Variants in LLGL2 observed in about 807,000 individuals in gnomAD.
LLGL2 encodes the protein LLGL2, scribble cell polarity complex component.
LLGL2 carries 81 observed loss-of-function variants against 123.2 expected under a neutral mutation model. The observed-to-expected ratio is 0.66, with a 90% CI of 0.55 to 0.79. The LOEUF (loss-of-function observed/expected upper bound fraction) is 0.79. Ranked by LOEUF, LLGL2 falls within the 30% of genes least tolerant of loss-of-function variation. The probability of loss-of-function intolerance (pLI) is 0.00; values close to 1 mark genes in which losing one functional copy is unlikely to be tolerated. For synonymous variants in LLGL2, 577 were observed against 594.1 expected (o/e 0.97, Z 0.42); for missense variants, 1,273 against 1,414.6 (o/e 0.90, Z 1.61).
chr17:75,538,812 C>G (rs1165627199), intron 1 of LLGL2, among the ~76,000 whole-genome samples: 6 of 152,194 alleles, frequency 3.9e-5, no homozygotes, highest in Non-Finnish European at 8.8e-5. Context: ...AGGGAACGCA[C>G]AGGCTCTGAC....
At chr17:75,572,369 A>C (rs1377406432) in intron 19 of LLGL2, among the ~76,000 whole-genome samples, 1 of 151,332 alleles carries the variant, frequency 6.6e-6, no homozygotes, top group Non-Finnish European at 1.5e-5. Flanking sequence ...ACAAAAAAAA[A>C]TAGCCCGGCA....
Position 75,550,284 on chromosome 17 carries a change from A to G in LLGL2, c.76-5762A>G, listed in dbSNP as rs905061421. Among the ~76,000 whole-genome samples the G allele has an allele frequency of 7.2e-5, 11 of 152,132 alleles. No homozygotes were observed. In the East Asian group the frequency reaches 7.7e-4, roughly 11 times the overall value. ...GAAGGCAGCCCTGGGGCTGAGCCCAACCTCCTGTGCTCAGGTGGGTACTTC... is the reference window on the plus strand; with the variant it reads ...GAAGGCAGCCCTGGGGCTGAGCCCAGCCTCCTGTGCTCAGGTGGGTACTTC... On this transcript the variant is annotated intron_variant, in intron 2 of 25. Transcript: ENST00000392550.
chr17:75,572,459 C>T (rs909070390), intron 19 of LLGL2, among the ~76,000 whole-genome samples: 7 of 152,044 alleles, frequency 4.6e-5, no homozygotes, highest in Non-Finnish European at 7.4e-5. Context: ...GTCAGGAGAT[C>T]GAGACCATCC....
intron 10 of LLGL2, among the ~76,000 whole-genome samples, chr17:75,565,571 T>C (rs1486919558): frequency 6.6e-6 from 1 of 152,180 alleles, no homozygotes; most frequent in East Asian, 1.9e-4. Context: ...TCTTGGGCTA[T>C]GGTGGCCACA....
rs143766866 is a variant in LLGL2, at chr17:75,573,061, G to A, written c.2508G>A (p.Thr836=). The A allele has an allele frequency of 1.3e-5, 21 of 1,612,396 alleles. No homozygotes were observed. Among genetic ancestry groups the A allele is most frequent in the African/African-American group, 4.0e-5 (3 of 74,880 alleles). ...GTGCCAAGCTGAAGTTGAAGCTGACGGCCCTGGAGGGCTCAAGAGTGCGGC... is the reference window on the plus strand; with the variant it reads ...GTGCCAAGCTGAAGTTGAAGCTGACAGCCCTGGAGGGCTCAAGAGTGCGGC... The part of the protein sequence containing the change: ...KVSAKLKLKL[T]ALEGSRVRRV... Residue 836 remains threonine, a synonymous_variant, in exon 20 of 26, where the codon ACG becomes ACA. Transcript: ENST00000392550.
At position 75,573,625 on chromosome 17, in the gene LLGL2, G is replaced by A. The variant is rs199785141; in HGVS notation, c.2870G>A (p.Arg957Gln). 1,752 of 1,607,666 alleles carry A rather than the reference G, an allele frequency of 1.1e-3. 7 individuals are homozygous for A. In the Middle Eastern group the frequency reaches 0.027, roughly 25 times the overall value. ...GCGGGCCCCAAGAAGGCCCCGAGCC[G>A]AGCCAGGTGAGTGAAAGGGCCAGAG... Reference protein sequence around the residue: ...NGAGPKKAPSRARNSGTQSDG... With the variant: ...NGAGPKKAPSQARNSGTQSDG... The change falls in exon 21 of 26, where the codon CGA (arginine) becomes CAA (glutamine). Residue 957 changes from arginine (R) to glutamine (Q), a missense_variant. Coordinates refer to ENST00000392550, the MANE Select transcript of LLGL2 (RefSeq NM_001031803.2).
chr17:75,564,016 C>G lies in LLGL2; in HGVS notation c.881+210C>G, dbSNP rs781684284. On this transcript the variant is annotated intron_variant, in intron 9 of 25. Coordinates refer to ENST00000392550, the MANE Select transcript of LLGL2 (RefSeq NM_001031803.2). The surrounding 1 kb of genome is among the most constrained non-coding windows in gnomAD (Gnocchi z 4.9). ...CCAAGTTCATTCTTGCTCCTTTCTT[C>G]CACCTTCCCAGAGAGACGGTACTGA... 6.6e-6 allele frequency among the ~76,000 whole-genome samples: 1 copy of G among 152,230 alleles called. No homozygotes were observed. The highest frequency in any genetic ancestry group is 1.9e-4 in the East Asian group (1 of 5,202).
Position 75,564,556 on chromosome 17 carries a change from G to A in LLGL2, c.1036+49G>A, listed in dbSNP as rs749423549. On this transcript the variant is annotated intron_variant, in intron 10 of 25. Coordinates refer to ENST00000392550, the MANE Select transcript of LLGL2 (RefSeq NM_001031803.2). The surrounding 1 kb of genome is among the most constrained non-coding windows in gnomAD (Gnocchi z 4.9). Reference sequence around the variant, plus strand: ...GCCCAGGGTTAGGTGTGGGAGGCATGGGGCAGGACCATCAGTAAAGACAGG... The same window carrying A: ...GCCCAGGGTTAGGTGTGGGAGGCATAGGGCAGGACCATCAGTAAAGACAGG... The A allele has an allele frequency of 2.6e-5, 41 of 1,605,308 alleles. No individual in the cohort carries two copies. In the Admixed American group the frequency reaches 6.9e-4, roughly 27 times the overall value.
Position 75,574,917 on chromosome 17 carries a change from C to G in LLGL2, c.*39C>G. The G allele has an allele frequency of 6.2e-7, 1 of 1,613,870 alleles. No individual in the cohort carries two copies. The highest frequency in any genetic ancestry group is 8.5e-7 in the Non-Finnish European group (1 of 1,179,918). Reference sequence around the variant, plus strand: ...CAGGCTGCGCGATGAGCACACACTACTACTGATGGCCTTTCGGGGGTCCCT... The same window carrying G: ...CAGGCTGCGCGATGAGCACACACTAGTACTGATGGCCTTTCGGGGGTCCCT... On this transcript the variant is annotated 3_prime_UTR_variant, in exon 26 of 26. Coordinates refer to ENST00000392550, the MANE Select transcript of LLGL2 (RefSeq NM_001031803.2).
intron 1 of LLGL2, among the ~76,000 whole-genome samples, chr17:75,530,474 A>G (rs1413607433): frequency 6.6e-6 from 1 of 152,014 alleles, no homozygotes; most frequent in Non-Finnish European, 1.5e-5. Context: ...CACAGTGAAA[A>G]CATGTCTCTA....
At chr17:75,539,350 C>G (rs1355034629) in intron 1 of LLGL2, among the ~76,000 whole-genome samples, 1 of 152,116 alleles carries the variant, frequency 6.6e-6, no homozygotes, top group Non-Finnish European at 1.5e-5. Context: ...AGCCACTGTG[C>G]CCAGCCCTCC....
chr17:75,546,537 G>A (rs190761621), intron 2 of LLGL2, among the ~76,000 whole-genome samples: 4 of 152,218 alleles, frequency 2.6e-5, no homozygotes, highest in Admixed American at 2.6e-4. Context: ...GTTGAGTTGG[G>A]GGAGCCTTGG....
At position 75,573,474 on chromosome 17, in the gene LLGL2, T is replaced by G; in HGVS notation, c.2726-7T>G. The G allele has an allele frequency of 6.3e-7, 1 of 1,598,546 alleles. No homozygotes were observed. The highest frequency in any genetic ancestry group is 2.3e-5 in the East Asian group (1 of 44,372). On this transcript the variant is annotated splice_polypyrimidine_tract_variant and splice_region_variant and intron_variant, in intron 20 of 25. Transcript: ENST00000392550. ...GCCAGGCCGCTAGCATTGCCCCCAC[T>G]CCCCAGGCTTCTACCTGATCTCACC...
At chr17:75,534,716 G>A (rs960262080) in intron 1 of LLGL2, among the ~76,000 whole-genome samples, 2 of 152,200 alleles carry the variant, frequency 1.3e-5, no homozygotes, top group African/African-American at 4.8e-5. Context: ...CCTAGGTTCA[G>A]TGGATTCTCC....
At chr17:75,527,297 A>C (rs2053608768) in intron 1 of LLGL2, among the ~76,000 whole-genome samples, 1 of 151,974 alleles carries the variant, frequency 6.6e-6, no homozygotes, top group Admixed American at 6.6e-5. Context: ...TAGTTTTCTT[A>C]GGCGATCTTC....
Position 75,559,345 on chromosome 17 carries a change from G to T in LLGL2, c.465G>T (p.Val155=), listed in dbSNP as rs988445528. 1 of 1,613,444 alleles carries T rather than the reference G, an allele frequency of 6.2e-7. No homozygotes were observed. Among genetic ancestry groups the T allele is most frequent in the Non-Finnish European group, 8.5e-7 (1 of 1,179,992 alleles). Residue 155 remains valine (V), a synonymous_variant, in exon 6 of 26, where the codon GTG becomes GTT. Coordinates refer to ENST00000392550, the MANE Select transcript of LLGL2 (RefSeq NM_001031803.2). The surrounding 1 kb of genome is among the most constrained non-coding windows in gnomAD (Gnocchi z 4.6). ...YLGTESGNVF[V]VQLPAFRALE... Reference sequence around the variant, plus strand: ...GCACCGAGAGTGGCAACGTGTTTGTGGTGCAGCTGCCAGCTTTTCGTGCGC... The same window carrying T: ...GCACCGAGAGTGGCAACGTGTTTGTTGTGCAGCTGCCAGCTTTTCGTGCGC...
At chr17:75,543,254 G>C in intron 1 of LLGL2, 143 bp from the exon 2 acceptor site, 1 of 520,402 alleles carries the variant, frequency 1.9e-6, no homozygotes, top group Admixed American at 3.4e-5. Context: ...AGGGTGCATG[G>C]GCGGTCACTG....
At chr17:75,563,722 A>C (rs752743945) in intron 8 of LLGL2, 30 bp from the exon 9 acceptor site, 6 of 1,613,608 alleles carry the variant, frequency 3.7e-6, no homozygotes, top group South Asian at 1.1e-5. Context: ...GAGTTTGAGG[A>C]TCCGTTCAAG....
chr17:75,565,712 T>TG (rs1470313335), intron 10 of LLGL2, among the ~76,000 whole-genome samples: 3 of 152,206 alleles, frequency 2.0e-5, no homozygotes, highest in Admixed American at 6.5e-5. Flanking sequence ...ATTGTCCCTC[T>TG]GTGTCCCCAA....
Sources: allele counts gnomAD v4.1 joint callset (sites outside exome capture counted in the v4.1 genomes callset), GRCh38; gene constraint gnomAD v4.1.1; non-coding constraint Gnocchi (gnomAD v3.1); transcripts MANE v1.5; gene names NCBI Gene and HGNC (gene_info 2026-07-23, HGNC 2026-07-21).